The following SORCS3 variants were observed in gnomAD, a reference collection of about 807,000 sequenced individuals.
SORCS3 encodes the protein VPS10 domain-containing receptor SorCS3.
Under a neutral mutation model 146.3 loss-of-function variants are expected in SORCS3, and 57 were observed. The observed-to-expected ratio is 0.39, with a 90% confidence interval of 0.31 to 0.49. The LOEUF (loss-of-function observed/expected upper bound fraction) is 0.49, where lower values mean the gene tolerates loss of function less well. SORCS3 is among the 20% of genes least tolerant of loss of function. The pLI, the probability that SORCS3 is intolerant of heterozygous loss-of-function variation, is 0.92. For missense variants in SORCS3, 1,341 were observed against 1,575.5 expected (o/e 0.85, Z 2.52); for synonymous variants, 653 against 618.5 (o/e 1.06, Z -0.83).
chr10:105,137,055 G>A (rs910881991), intron 7 of SORCS3, among the ~76,000 whole-genome samples: 5 of 152,088 alleles, frequency 3.3e-5, no homozygotes, highest in Admixed American at 6.5e-5. Flanking sequence ...TCTTTTGGCC[G>A]TTGGTGACTT....
chr10:105,240,053 G>A (rs1037778377), intron 20 of SORCS3, among the ~76,000 whole-genome samples: 4 of 152,192 alleles, frequency 2.6e-5, no homozygotes, highest in Non-Finnish European at 5.9e-5. Flanking sequence ...TGAGTGCCCT[G>A]ACTGGCTGGC....
At chr10:105,115,591 G>A (rs184916394) in intron 7 of SORCS3, among the ~76,000 whole-genome samples, 2 of 152,240 alleles carry the variant, frequency 1.3e-5, no homozygotes, top group Non-Finnish European at 2.9e-5. Flanking sequence ...TATATGAGAT[G>A]TAACTATTCT....
intron 1 of SORCS3, among the ~76,000 whole-genome samples, chr10:104,753,356 A>G (rs986504790): frequency 1.3e-5 from 2 of 152,246 alleles, no homozygotes; most frequent in Non-Finnish European, 2.9e-5. Flanking sequence ...GTCAAGAAAT[A>G]TAAAAGGAAA....
chr10:105,193,594 G>A lies in SORCS3; in HGVS notation c.2010-6405G>A, dbSNP rs183815532. ...TAAACTCTTAGAAATGGTCTCAAAA[G>A]GGCCACATTCCCTGTAGGCTATTTC... On this transcript the variant is annotated intron_variant, in intron 14 of 26. Coordinates refer to ENST00000369701, the MANE Select transcript of SORCS3 (RefSeq NM_014978.3). Among the ~76,000 whole-genome samples the A allele has an allele frequency of 7.8e-4, 118 of 152,250 alleles. 2 individuals carry two copies. In the East Asian group the frequency reaches 0.011, roughly 14 times the overall value.
At chr10:105,184,178 C>T (rs1275348781) in intron 14 of SORCS3, among the ~76,000 whole-genome samples, 3 of 152,194 alleles carry the variant, frequency 2.0e-5, no homozygotes, top group African/African-American at 7.2e-5. Context: ...AGATTTTAGG[C>T]TTTGCTGGCC....
At chr10:104,769,708 G>A (rs557997238) in intron 1 of SORCS3, among the ~76,000 whole-genome samples, 1 of 152,240 alleles carries the variant, frequency 6.6e-6, no homozygotes, top group East Asian at 1.9e-4. Flanking sequence ...AGCTGCTGGT[G>A]TCTAGGGTGA....
intron 7 of SORCS3, among the ~76,000 whole-genome samples, chr10:105,124,771 G>A (rs1195893590): frequency 2.0e-5 from 3 of 152,072 alleles, no homozygotes; most frequent in Non-Finnish European, 2.9e-5. Flanking sequence ...GTAACCTCTC[G>A]AGGCCAGGCA....
intron 13 of SORCS3, among the ~76,000 whole-genome samples, chr10:105,169,354 A>C (rs190484946): frequency 6.6e-6 from 1 of 152,092 alleles, no homozygotes; most frequent in East Asian, 1.9e-4. Flanking sequence ...AAGTGAAAGC[A>C]ATGTCTGCTA....
chr10:104,869,034 C>A (rs757285904), intron 2 of SORCS3, among the ~76,000 whole-genome samples: 24 of 152,068 alleles, frequency 1.6e-4, no homozygotes, highest in Admixed American at 4.6e-4. Context: ...CCAGAAACAC[C>A]AGAACCAATT....
intron 5 of SORCS3, among the ~76,000 whole-genome samples, chr10:105,078,913 TG>T (rs768864400): frequency 2.6e-5 from 4 of 152,118 alleles, no homozygotes; most frequent in Non-Finnish European, 5.9e-5. Context: ...GCTGCATTAG[TG>T]ATCTGTGAAA....
At chr10:104,885,460 T>G (rs1202874737) in intron 2 of SORCS3, among the ~76,000 whole-genome samples, 2 of 152,162 alleles carry the variant, frequency 1.3e-5, no homozygotes, top group African/African-American at 4.8e-5. Context: ...CTTGTGGCAA[T>G]ACGGTATTAA....
chr10:104,829,400 G>C (rs1211533012), intron 1 of SORCS3, among the ~76,000 whole-genome samples: 2 of 152,188 alleles, frequency 1.3e-5, no homozygotes, highest in African/African-American at 2.4e-5. Context: ...GAGAAGGAAG[G>C]AGAGCATCAG....
At chr10:104,991,709 C>G (rs1003029770) in intron 4 of SORCS3, among the ~76,000 whole-genome samples, 8 of 152,086 alleles carry the variant, frequency 5.3e-5, no homozygotes, top group African/African-American at 1.9e-4. Flanking sequence ...CTATATTGGC[C>G]AGGCTGGTCT....
In SORCS3 at chr10:104,980,037, C is replaced by T. The variant is rs140516755; in HGVS notation, c.954+2544C>T. On this transcript the variant is annotated intron_variant, in intron 4 of 26. Coordinates refer to ENST00000369701, the MANE Select transcript of SORCS3 (RefSeq NM_014978.3). Reference sequence around the variant, plus strand: ...TGTATCTAAGAGTATCCTTTGCCTCCATCTCCACAGCACTGAGAACATCTG... The same window carrying T: ...TGTATCTAAGAGTATCCTTTGCCTCTATCTCCACAGCACTGAGAACATCTG... 3.1e-3 allele frequency among the ~76,000 whole-genome samples: 465 copies of T among 152,224 alleles called. 2 individuals are homozygous for T. The highest frequency in any genetic ancestry group is 0.018 in the South Asian group (89 of 4,814).
chr10:105,252,328 AT>A (rs1386132573), intron 22 of SORCS3, among the ~76,000 whole-genome samples: 1 of 152,240 alleles, frequency 6.6e-6, no homozygotes, highest in Non-Finnish European at 1.5e-5. Flanking sequence ...CTTAAAAAAA[AT>A]CCTGCTTTAA....
Position 105,231,788 on chromosome 10 carries a change from G to A in SORCS3, c.2868+8539G>A, listed in dbSNP as rs768880060. 2.0e-5 allele frequency among the ~76,000 whole-genome samples: 3 copies of A among 151,958 alleles called. 1 individual carries two copies. Among genetic ancestry groups the A allele is most frequent in the Non-Finnish European group, 2.9e-5 (2 of 67,956 alleles). ...ATATGATCATGTTCTTTTTTCTTTA[G>A]TCTGCTGATGAGATGGATTACATTA... On this transcript the variant is annotated intron_variant, in intron 20 of 26. Transcript: ENST00000369701.
chr10:105,138,326 C>T (rs957877966), intron 7 of SORCS3, among the ~76,000 whole-genome samples: 15 of 152,098 alleles, frequency 9.9e-5, no homozygotes, highest in Admixed American at 6.6e-4. Flanking sequence ...TCTCCCTCCC[C>T]GAGTGAGGAG....
chr10:104,974,565 C>G (rs946016461), intron 3 of SORCS3, among the ~76,000 whole-genome samples: 6 of 152,086 alleles, frequency 3.9e-5, no homozygotes, highest in African/African-American at 1.2e-4. Context: ...TTCCTCCATC[C>G]TTTTATTTTG....
chr10:104,825,444 C>A (rs144740133), intron 1 of SORCS3, among the ~76,000 whole-genome samples: 5 of 152,186 alleles, frequency 3.3e-5, no homozygotes, highest in Non-Finnish European at 5.9e-5. Context: ...AGAAACAGAT[C>A]ACTTATATTA....
Sources: gnomAD v4.1 joint callset for allele counts (sites outside exome capture counted in the v4.1 genomes callset) on GRCh38, gnomAD v4.1.1 for gene constraint, MANE v1.5 for transcripts, NCBI Gene and HGNC (gene_info 2026-07-23, HGNC 2026-07-21) for gene names.